Variants in MIA2 observed in about 807,000 individuals in gnomAD.
The protein encoded by MIA2 is melanoma inhibitory activity protein 2.
Under a neutral mutation model 167.8 loss-of-function variants are expected in MIA2, and 127 were observed. The observed-to-expected ratio is 0.76, with a 90% confidence interval of 0.66 to 0.88. The LOEUF is 0.88. MIA2 is among the 40% of genes least tolerant of loss of function. The pLI is 0.00. For synonymous variants in MIA2, 552 were observed against 541.9 expected (o/e 1.02, Z -0.26); for missense variants, 1,690 against 1,624.7 (o/e 1.04, Z -0.69).
At chr14:39,372,880 A>G (rs113103376) in intron 23 of MIA2, among the ~76,000 whole-genome samples, 1 of 152,204 alleles carries the variant, frequency 6.6e-6, no homozygotes. Context: ...CAGCTTGTCC[A>G]TAGACAAGCA....
chr14:39,344,386 A>C (rs1009106936), intron 25 of MIA2, among the ~76,000 whole-genome samples: 1 of 152,100 alleles, frequency 6.6e-6, no homozygotes, highest in Admixed American at 6.5e-5. Context: ...GATCTCAGTG[A>C]TTGGTATTGA....
chr14:39,272,339 G>A (rs907893478), intron 6 of MIA2, among the ~76,000 whole-genome samples: 11 of 151,802 alleles, frequency 7.2e-5, no homozygotes, highest in East Asian at 1.9e-4. Context: ...GTGACAGGGC[G>A]AGACTCCATC....
chr14:39,351,751 G>A (rs1368125329), downstream of MIA2, among the ~76,000 whole-genome samples: 3 of 152,118 alleles, frequency 2.0e-5, no homozygotes, highest in Non-Finnish European at 4.4e-5. Flanking sequence ...GACTACAGGC[G>A]TCCACCACCA....
At chr14:39,307,680 C>T (rs1024491807) in intron 17 of MIA2, among the ~76,000 whole-genome samples, 16 of 151,976 alleles carry the variant, frequency 1.1e-4, no homozygotes, top group African/African-American at 3.4e-4. Flanking sequence ...GATGTACAGG[C>T]GTGAGCCACC....
At position 39,301,876 on chromosome 14, in the gene MIA2, G is replaced by T. The variant is rs936577108; in HGVS notation, c.2620-253G>T. Among the ~76,000 whole-genome samples, 30 of 152,254 alleles carry T rather than the reference G, an allele frequency of 2.0e-4. 1 individual carries two copies. Among genetic ancestry groups the T allele is most frequent in the Middle Eastern group, 3.4e-3 (1 of 292 alleles). On this transcript the variant is annotated intron_variant, in intron 14 of 28. Coordinates refer to ENST00000640607, the MANE Select transcript of MIA2 (RefSeq NM_001329214.4). ...ATAAAAAATATTTTACTACTTTTTA[G>T]TTGCATAATATTAATATGTACTATA...
chr14:39,244,379 C>A (rs1170651635), intron 3 of MIA2, among the ~76,000 whole-genome samples: 1 of 151,962 alleles, frequency 6.6e-6, no homozygotes, highest in East Asian at 1.9e-4. Context: ...ATTTCTGAGC[C>A]CCAACATCCC....
At chr14:39,323,842 TATTTA>T (rs1419716836) in intron 24 of MIA2, among the ~76,000 whole-genome samples, 93 of 152,332 alleles carry the variant, frequency 6.1e-4, no homozygotes, top group Non-Finnish European at 3.7e-4. Flanking sequence ...TTTCCTCTCC[TATTTA>T]ATTTAAAGAT....
At chr14:39,332,609 T>C (rs1426586242) in intron 25 of MIA2, among the ~76,000 whole-genome samples, 3 of 152,178 alleles carry the variant, frequency 2.0e-5, no homozygotes, top group African/African-American at 7.2e-5. Context: ...TTGATGACCT[T>C]CGGATGGAGT....
chr14:39,288,475 AT>A (rs1247369150), intron 9 of MIA2, among the ~76,000 whole-genome samples: 12 of 50,518 alleles, frequency 2.4e-4, no homozygotes, highest in Admixed American at 3.9e-4. Flanking sequence ...ATATATATAT[AT>A]TTTTTTTTTT....
At chr14:39,243,138 A>G (rs965326190) in intron 3 of MIA2, among the ~76,000 whole-genome samples, 8 of 147,982 alleles carry the variant, frequency 5.4e-5, no homozygotes, top group Non-Finnish European at 7.5e-5. Flanking sequence ...AAAAAAAAAA[A>G]GAAGACAAAG....
intron 25 of MIA2, among the ~76,000 whole-genome samples, chr14:39,329,359 C>A (rs1184746529): frequency 6.6e-6 from 1 of 152,138 alleles, no homozygotes; most frequent in East Asian, 1.9e-4. Flanking sequence ...AGTGTTTGGG[C>A]TGAGATGATG....
At chr14:39,271,031 G>A (rs1472576951) in intron 6 of MIA2, among the ~76,000 whole-genome samples, 1 of 152,100 alleles carries the variant, frequency 6.6e-6, no homozygotes, top group East Asian at 1.9e-4. Context: ...CTAAGAAACC[G>A]TTGCTTAAGA....
chr14:39,249,828 G>A (rs557445730), intron 4 of MIA2, among the ~76,000 whole-genome samples: 1 of 152,144 alleles, frequency 6.6e-6, no homozygotes, highest in Non-Finnish European at 1.5e-5. Flanking sequence ...CAGGAAGAGG[G>A]CAACAAACTC....
intron 3 of MIA2, 52 bp downstream of exon 3, chr14:39,240,699 AAC>A: frequency 1.5e-6 from 2 of 1,375,198 alleles, no homozygotes; most frequent in South Asian, 1.2e-5. Flanking sequence ...TCTTGGTTAA[AAC>A]AGTTTTCCCA....
At chr14:39,263,638 T>TTTC (rs1853303966) in intron 6 of MIA2, among the ~76,000 whole-genome samples, 1 of 150,750 alleles carries the variant, frequency 6.6e-6, no homozygotes, top group Non-Finnish European at 1.5e-5. Context: ...TCTCTCTTTT[T>TTTC]TTTTTTTTTC....
Position 39,252,982 on chromosome 14 carries a change from T to C in MIA2, c.1786+16T>C, listed in dbSNP as rs778990959. 1.9e-6 allele frequency: 3 copies of C among 1,587,836 alleles called. No individual in the cohort carries two copies. The Admixed American group carries it at 5.3e-5, about 28-fold the overall frequency. Reference sequence around the variant, plus strand: ...TCTCAGAAAGGTAAGAAACAGGTTATTTATTCTCTAATGCATCAATTAAGG... The same window carrying C: ...TCTCAGAAAGGTAAGAAACAGGTTACTTATTCTCTAATGCATCAATTAAGG... On this transcript the variant is annotated intron_variant, in intron 5 of 28. Coordinates refer to ENST00000640607, the MANE Select transcript of MIA2 (RefSeq NM_001329214.4).
intron 23 of MIA2, chr14:39,386,509 CT>C (rs545522994): frequency 6.0e-4 from 844 of 1,401,296 alleles, no homozygotes; most frequent in Admixed American, 7.3e-4. Flanking sequence ...GATTCTTGGC[CT>C]TTTTTTTTAT....
At chr14:39,368,712 A>AC (rs2074875666) in intron 23 of MIA2, among the ~76,000 whole-genome samples, 1 of 112,160 alleles carries the variant, frequency 8.9e-6, no homozygotes, top group African/African-American at 3.4e-5. Flanking sequence ...GTAATTTTTG[A>AC]CCCATAGGTA....
chr14:39,275,173 C>A (rs2057809625), intron 6 of MIA2, among the ~76,000 whole-genome samples: 2 of 23,518 alleles, frequency 8.5e-5, no homozygotes, highest in African/African-American at 2.1e-4. Flanking sequence ...GTGTCAGAGT[C>A]CAGTTTTGTT....
Sources: gnomAD v4.1 joint callset for allele counts (sites outside exome capture counted in the v4.1 genomes callset) on GRCh38, gnomAD v4.1.1 for gene constraint, MANE v1.5 for transcripts, NCBI Gene and HGNC (gene_info 2026-07-23, HGNC 2026-07-21) for gene names.